GLI2: variants seen among roughly 807,000 people sequenced by gnomAD.
GLI2 encodes the protein GLI family zinc finger 2, also known as transcription activator GLI2.
In GLI2, 22 loss-of-function variants were observed where a neutral mutation model predicts 78.9. The ratio of observed to expected loss-of-function variants is 0.28; its 90% CI spans 0.20 to 0.40. The LOEUF (loss-of-function observed/expected upper bound fraction) is 0.40. GLI2 is among the 10% of genes least tolerant of loss of function. The pLI, the probability that GLI2 is intolerant of heterozygous loss-of-function variation, is 1.00. For missense variants in GLI2, 2,097 were observed against 2,213.2 expected, an observed-to-expected ratio of 0.95 and a Z score of 1.05; for synonymous variants, 974 against 963.7, an observed-to-expected ratio of 1.01 and a Z score of -0.20.
intron 1 of GLI2, among the ~76,000 whole-genome samples, chr2:120,783,242 C>T (rs947311653): frequency 7.2e-5 from 11 of 152,148 alleles, no homozygotes; most frequent in African/African-American, 2.2e-4. Flanking sequence ...AGCTTCCTGC[C>T]GTCTTGGAGG....
intron 2 of GLI2, among the ~76,000 whole-genome samples, chr2:120,888,942 C>T (rs1195244858): frequency 6.6e-6 from 1 of 152,070 alleles, no homozygotes; most frequent in Non-Finnish European, 1.5e-5. Flanking sequence ...GAGTTGTCCC[C>T]AAGAGGGGAC....
intron 5 of GLI2, among the ~76,000 whole-genome samples, chr2:120,959,308 G>A (rs1186573882): frequency 6.6e-6 from 1 of 152,150 alleles, no homozygotes; most frequent in Non-Finnish European, 1.5e-5. Context: ...CCAGATTCCA[G>A]AGTCCACCTG....
At chr2:120,870,590 G>A (rs760718992) in intron 2 of GLI2, among the ~76,000 whole-genome samples, 1 of 152,162 alleles carries the variant, frequency 6.6e-6, no homozygotes, top group Non-Finnish European at 1.5e-5. Context: ...TGAACTTCAC[G>A]GATAGCGCTG....
intron 5 of GLI2, among the ~76,000 whole-genome samples, chr2:120,963,414 C>T (rs531323308): frequency 2.8e-4 from 43 of 152,338 alleles, no homozygotes; most frequent in African/African-American, 1.0e-3. Context: ...GGGACAGTGG[C>T]AGAGGCTGTG....
chr2:120,931,802 A>G (rs1679955261), intron 3 of GLI2, among the ~76,000 whole-genome samples: 2 of 152,202 alleles, frequency 1.3e-5, no homozygotes, highest in African/African-American at 4.8e-5. Context: ...CAAGGAGACC[A>G]GGCTCTGGGG....
At position 120,748,554 on chromosome 2, in the gene GLI2, G is replaced by C. The variant is rs116711354; in HGVS notation, c.-31+12269G>C. On this transcript the variant is annotated intron_variant, in intron 1 of 13. Transcript: ENST00000361492. ...AGAGTCAGCGTGGGGTTGCCTCCAA[G>C]GGGTGGCTTTGTGGTCCCCCCGGAT... Among the ~76,000 whole-genome samples, 377 of 152,274 alleles carry C rather than the reference G, an allele frequency of 2.5e-3. 1 individual carries two copies. The highest frequency in any genetic ancestry group is 8.4e-3 in the African/African-American group (350 of 41,548).
At chr2:120,803,441 T>A (rs1684794273) in intron 2 of GLI2, among the ~76,000 whole-genome samples, 1 of 152,242 alleles carries the variant, frequency 6.6e-6, no homozygotes, top group South Asian at 2.1e-4. Context: ...GTTTTCCTTT[T>A]CTAGATCTGC....
At chr2:120,969,868 G>C (rs182570271) in intron 6 of GLI2, among the ~76,000 whole-genome samples, 31 of 152,292 alleles carry the variant, frequency 2.0e-4, no homozygotes, top group African/African-American at 7.2e-4. Context: ...TGTCTTTTAC[G>C]GCCCAACCAC....
intron 1 of GLI2, among the ~76,000 whole-genome samples, chr2:120,750,215 C>G (rs1682822909): frequency 6.6e-6 from 1 of 152,238 alleles, no homozygotes; most frequent in Non-Finnish European, 1.5e-5. Context: ...GTCCCCAGCT[C>G]TCTGAGGGAG....
chr2:120,888,427 C>T (rs529628872), intron 2 of GLI2, among the ~76,000 whole-genome samples: 1 of 152,334 alleles, frequency 6.6e-6, no homozygotes, highest in South Asian at 2.1e-4. Flanking sequence ...CACATTCTCT[C>T]CTTTTGAACA....
rs140488550 is a variant in GLI2, at chr2:120,983,169, C to G, written c.1632+289C>G. 2.6e-4 allele frequency among the ~76,000 whole-genome samples: 39 copies of G among 152,240 alleles called. No homozygotes were observed. In the East Asian group the frequency reaches 7.1e-3, roughly 28 times the overall value. ...TCTCCATAATAAATATAATAGTGCC[C>G]TCCCCAAAGGCCATCATGAGGTCCT... On this transcript the variant is annotated intron_variant, in intron 11 of 13. Coordinates refer to ENST00000361492, the MANE Select transcript of GLI2 (RefSeq NM_001374353.1).
intron 2 of GLI2, among the ~76,000 whole-genome samples, chr2:120,890,902 G>C (rs933291882): frequency 5.9e-5 from 9 of 152,162 alleles, no homozygotes; most frequent in African/African-American, 2.2e-4. Context: ...GGAGGAGAGA[G>C]GATGTGTGTC....
chr2:120,738,655 C>T (rs1558773981), intron 1 of GLI2, among the ~76,000 whole-genome samples: 1 of 152,144 alleles, frequency 6.6e-6, no homozygotes, highest in African/African-American at 2.4e-5. Context: ...TTTGCAAAGC[C>T]TCTTGGAGAG....
chr2:120,915,266 G>T (rs1452308391), intron 2 of GLI2, among the ~76,000 whole-genome samples: 1 of 152,234 alleles, frequency 6.6e-6, no homozygotes, highest in African/African-American at 2.4e-5. Flanking sequence ...GTCCTGCTAG[G>T]CTGTGTCTGC....
intron 2 of GLI2, among the ~76,000 whole-genome samples, chr2:120,884,214 C>CGTGGGCTGCAGGGAGAGTGAG (rs1677290180): frequency 1.3e-5 from 2 of 152,142 alleles, no homozygotes; most frequent in Non-Finnish European, 2.9e-5. Flanking sequence ...GAGACCCAGG[C>CGTGGGCTGCAGGGAGAGTGAG]GTGGGCTGCA....
At chr2:120,862,081 A>C (rs1402645493) in intron 2 of GLI2, among the ~76,000 whole-genome samples, 2 of 152,206 alleles carry the variant, frequency 1.3e-5, no homozygotes, top group Non-Finnish European at 2.9e-5. Context: ...TTCTTCCTGC[A>C]AGAAACAACT....
intron 1 of GLI2, among the ~76,000 whole-genome samples, chr2:120,740,751 T>C (rs184903108): frequency 5.4e-4 from 82 of 152,380 alleles, no homozygotes; most frequent in Admixed American, 1.1e-3. Flanking sequence ...GTGGAAAATT[T>C]AATGAACCAA....
chr2:120,989,097 G>T lies in GLI2; in HGVS notation c.3132G>T (p.Val1044=). The T allele has an allele frequency of 6.2e-7, 1 of 1,612,544 alleles. No homozygotes were observed. Among genetic ancestry groups the T allele is most frequent in the Middle Eastern group, 1.6e-4 (1 of 6,062 alleles). ...TGGGGCTGCCGGAGGACGACCTGGT[G>T]CTTCCAGACGACGTGGTGCAGTACA... ...ADLGLPEDDL[V]LPDDVVQYIK... The change falls in exon 14 of 14, where the codon GTG becomes GTT. Residue 1044 remains valine (V), a synonymous_variant. Transcript: ENST00000361492.
intron 3 of GLI2, among the ~76,000 whole-genome samples, chr2:120,946,023 T>G (rs1680695323): frequency 7.0e-6 from 1 of 142,918 alleles, no homozygotes; most frequent in African/African-American, 2.5e-5. Context: ...TTGCACACAC[T>G]GCTTCCTTTG....
Sources: gnomAD v4.1 joint callset for allele counts (sites outside exome capture counted in the v4.1 genomes callset) on GRCh38, gnomAD v4.1.1 for gene constraint, MANE v1.5 for transcripts, NCBI Gene and HGNC (gene_info 2026-07-23, HGNC 2026-07-21) for gene names.